The following DAB1 variants were observed in gnomAD, a reference collection of about 807,000 sequenced individuals.
The protein encoded by DAB1 is disabled homolog 1.
A neutral mutation model predicts 64.6 loss-of-function variants in DAB1; 15 were observed. The observed-to-expected ratio is 0.23, with a 90% CI of 0.16 to 0.36. The LOEUF is 0.36. DAB1 is among the 10% of genes least tolerant of loss of function. The pLI is 1.00. For synonymous variants in DAB1, 235 were observed against 251.9 expected, an observed-to-expected ratio of 0.93 and a Z score of 0.64; for missense variants, 596 against 706.7, an observed-to-expected ratio of 0.84 and a Z score of 1.78.
chr1:57,880,521 C>G (rs1214566142), intron 1 of DAB1: 2 of 152,144 alleles, frequency 1.3e-5, no homozygotes, highest in South Asian at 4.1e-4. Context: ...GTGAAGCCTT[C>G]CATGGTTTCA....
intron 7 of DAB1, among the ~76,000 whole-genome samples, chr1:57,646,831 A>G (rs1436757130): frequency 6.6e-6 from 1 of 152,168 alleles, no homozygotes; most frequent in African/African-American, 2.4e-5. Flanking sequence ...CTCTCTAACC[A>G]ACTGTGGCTC....
At chr1:57,560,426 A>C (rs1645037157) in intron 7 of DAB1, among the ~76,000 whole-genome samples, 1 of 152,232 alleles carries the variant, frequency 6.6e-6, no homozygotes, top group East Asian at 1.9e-4. Flanking sequence ...CTTCTACCTC[A>C]GTAAAATTTC....
intron 1 of DAB1, among the ~76,000 whole-genome samples, chr1:57,873,020 GT>G (rs774381030): frequency 5.3e-5 from 8 of 152,086 alleles, no homozygotes; most frequent in Non-Finnish European, 1.0e-4. Flanking sequence ...TGATTTTTGT[GT>G]GATAGGACTC....
At chr1:58,298,951 A>G (rs1662055585) in intron 4 of DAB1, among the ~76,000 whole-genome samples, 1 of 152,192 alleles carries the variant, frequency 6.6e-6, no homozygotes, top group Non-Finnish European at 1.5e-5. Context: ...TGTATATAAG[A>G]GTCACTAGGA....
At chr1:57,738,881 A>C (rs1426970048) in intron 6 of DAB1, among the ~76,000 whole-genome samples, 3 of 152,222 alleles carry the variant, frequency 2.0e-5, no homozygotes, top group Non-Finnish European at 4.4e-5. Flanking sequence ...CAAATAGAGG[A>C]AGATGCAAGA....
At chr1:58,532,183 A>G (rs1260922402) in intron 1 of DAB1, among the ~76,000 whole-genome samples, 1 of 152,232 alleles carries the variant, frequency 6.6e-6, no homozygotes, top group Non-Finnish European at 1.5e-5. Flanking sequence ...GCCTAGATAA[A>G]ATCAAAACTG....
chr1:58,500,465 G>A (rs1645888828), intron 3 of DAB1, among the ~76,000 whole-genome samples: 1 of 152,132 alleles, frequency 6.6e-6, no homozygotes, highest in African/African-American at 2.4e-5. Flanking sequence ...AAACGTGTAA[G>A]AATGATTTAC....
intron 5 of DAB1, among the ~76,000 whole-genome samples, chr1:58,117,565 G>A (rs773568011): frequency 3.9e-5 from 6 of 152,230 alleles, no homozygotes; most frequent in South Asian, 2.1e-4. Context: ...GCTTCATTGC[G>A]TGGCTTCAAA....
At chr1:57,118,686 T>C (rs1656365039) in intron 4 of DAB1, among the ~76,000 whole-genome samples, 1 of 152,224 alleles carries the variant, frequency 6.6e-6, no homozygotes, top group Non-Finnish European at 1.5e-5. Context: ...TGACTGGTTT[T>C]TTTATTTGTA....
intron 7 of DAB1, among the ~76,000 whole-genome samples, chr1:57,468,140 C>G (rs1179733787): frequency 6.6e-6 from 1 of 152,190 alleles, no homozygotes; most frequent in East Asian, 1.9e-4. Context: ...AGAGACCAAA[C>G]TACATTTTTC....
intron 14 of DAB1, among the ~76,000 whole-genome samples, chr1:57,000,040 C>CTTT (rs397863684): frequency 2.8e-4 from 32 of 112,444 alleles, no homozygotes; most frequent in African/African-American, 3.6e-4. Flanking sequence ...TTCCTTCTGC[C>CTTT]TTTTTTTTTT....
intron 5 of DAB1, among the ~76,000 whole-genome samples, chr1:58,083,839 C>T (rs370919587): frequency 8.3e-4 from 127 of 152,194 alleles, no homozygotes; most frequent in African/African-American, 2.7e-3. Context: ...CAATGGTGTC[C>T]GGAGAAACTC....
At chr1:57,664,512 C>T (rs1323192802) in intron 6 of DAB1, among the ~76,000 whole-genome samples, 2 of 152,026 alleles carry the variant, frequency 1.3e-5, no homozygotes, top group Non-Finnish European at 2.9e-5. Flanking sequence ...TCAACATAAA[C>T]CCAATGCCAT....
intron 3 of DAB1, among the ~76,000 whole-genome samples, chr1:58,347,786 A>G (rs1436034367): frequency 2.1e-5 from 3 of 145,396 alleles, no homozygotes; most frequent in African/African-American, 7.3e-5. Flanking sequence ...AGAGACTGGA[A>G]GAAGGGAGGG....
At chr1:57,160,441 C>T (rs1196544468) in intron 2 of DAB1, among the ~76,000 whole-genome samples, 1 of 152,082 alleles carries the variant, frequency 6.6e-6, no homozygotes, top group Non-Finnish European at 1.5e-5. Context: ...GAAAAGAATG[C>T]TGAAAGGAAG....
intron 11 of DAB1, 68 bp downstream of exon 11, chr1:57,023,463 C>T: frequency 1.1e-6 from 1 of 902,142 alleles, no homozygotes. Context: ...GTGGCTGGCT[C>T]TGTAAACTCT....
At chr1:58,056,914 G>A (rs1372580769) in intron 5 of DAB1, among the ~76,000 whole-genome samples, 2 of 151,678 alleles carry the variant, frequency 1.3e-5, no homozygotes, top group East Asian at 1.9e-4. Flanking sequence ...CACCCACACC[G>A]TCCATGTCTA....
intron 1 of DAB1, among the ~76,000 whole-genome samples, chr1:57,856,416 T>C (rs1653758741): frequency 6.6e-6 from 1 of 152,182 alleles, no homozygotes; most frequent in Non-Finnish European, 1.5e-5. Flanking sequence ...TTCTAGCATC[T>C]AGCACTTGAT....
intron 7 of DAB1, among the ~76,000 whole-genome samples, chr1:57,555,589 T>C (rs1331785810): frequency 6.6e-6 from 1 of 152,102 alleles, no homozygotes; most frequent in East Asian, 1.9e-4. Context: ...ATTTACACCA[T>C]CATTCAGGTG....
Sources: allele counts gnomAD v4.1 joint callset (sites outside exome capture counted in the v4.1 genomes callset), GRCh38; gene constraint gnomAD v4.1.1; transcripts MANE v1.5; gene names NCBI Gene and HGNC (gene_info 2026-07-23, HGNC 2026-07-21).